The following ANK3 variants were observed in gnomAD, a reference collection of about 807,000 sequenced individuals.
ANK3 encodes ankyrin 3.
Under a neutral mutation model 370.9 loss-of-function variants are expected in ANK3, and 57 were observed. The observed-to-expected ratio is 0.15, with a 90% confidence interval of 0.12 to 0.19. ANK3 has a LOEUF of 0.19. Ranked by LOEUF, ANK3 falls within the 10% of genes least tolerant of loss-of-function variation. The probability of loss-of-function intolerance (pLI) is 1.00; values close to 1 mark genes in which losing one functional copy is unlikely to be tolerated. For synonymous variants in ANK3, 1,929 were observed against 1,946.3 expected, an observed-to-expected ratio of 0.99 and a Z score of 0.23; for missense variants, 4,439 against 5,302.1, an observed-to-expected ratio of 0.84 and a Z score of 5.06.
intron 1 of ANK3, among the ~76,000 whole-genome samples, chr10:60,330,887 C>T (rs922371366): frequency 5.9e-5 from 9 of 152,122 alleles, no homozygotes; most frequent in African/African-American, 2.2e-4. Context: ...CAATGTTAGA[C>T]TGGATGAAGA....
At chr10:60,351,068 G>A (rs2056765647) in intron 1 of ANK3, among the ~76,000 whole-genome samples, 1 of 151,958 alleles carries the variant, frequency 6.6e-6, no homozygotes, top group African/African-American at 2.4e-5. Context: ...TTTAAACAAT[G>A]ACAAAGGCCA....
chr10:60,395,469 C>T (rs1263498680), intron 2 of ANK3, among the ~76,000 whole-genome samples: 2 of 152,172 alleles, frequency 1.3e-5, no homozygotes, highest in Non-Finnish European at 2.9e-5. Context: ...AAAAAGAGAG[C>T]CCGATCTGTC....
chr10:60,091,611 G>C (rs1156815485), intron 28 of ANK3, among the ~76,000 whole-genome samples: 2 of 152,180 alleles, frequency 1.3e-5, no homozygotes, highest in East Asian at 1.9e-4. Flanking sequence ...GGGAGGATAG[G>C]AGGGAGCCAG....
chr10:60,244,555 A>G (rs2097524680), intron 7 of ANK3, among the ~76,000 whole-genome samples: 1 of 152,228 alleles, frequency 6.6e-6, no homozygotes, highest in Non-Finnish European at 1.5e-5. Context: ...AAGTGGCATA[A>G]CAAATTGAAG....
chr10:60,183,666 C>G (rs1007309101), intron 17 of ANK3, among the ~76,000 whole-genome samples: 30 of 152,110 alleles, frequency 2.0e-4, no homozygotes, highest in African/African-American at 7.2e-4. Context: ...TGAGACCAGC[C>G]TGACCTACAT....
chr10:60,538,749 T>C (rs1034078866), intron 2 of ANK3, among the ~76,000 whole-genome samples: 9 of 151,864 alleles, frequency 5.9e-5, no homozygotes, highest in Non-Finnish European at 1.0e-4. Context: ...TTCTCCCATA[T>C]AGAAAATAGT....
At chr10:60,694,190 G>A (rs892267121) in intron 1 of ANK3, among the ~76,000 whole-genome samples, 1 of 152,180 alleles carries the variant, frequency 6.6e-6, no homozygotes, top group African/African-American at 2.4e-5. Context: ...GAGAAGGGAA[G>A]TTTAGAGAAA....
At chr10:60,509,263 C>G (rs1008886751) in intron 2 of ANK3, among the ~76,000 whole-genome samples, 1 of 151,918 alleles carries the variant, frequency 6.6e-6, no homozygotes, top group African/African-American at 2.4e-5. Flanking sequence ...AAAAAAAAGT[C>G]AACATAATCT....
chr10:60,638,579 T>C (rs548175715), intron 1 of ANK3, among the ~76,000 whole-genome samples: 52 of 151,680 alleles, frequency 3.4e-4, no homozygotes, highest in African/African-American at 1.2e-3. Flanking sequence ...ATGAGAGAGA[T>C]GATGGAATTA....
intron 2 of ANK3, among the ~76,000 whole-genome samples, chr10:60,420,217 G>A (rs2063749690): frequency 6.6e-6 from 1 of 151,920 alleles, no homozygotes; most frequent in African/African-American, 2.4e-5. Context: ...ACCACACAGA[G>A]GCATATTTTA....
At chr10:60,319,132 T>C (rs1237829774) in intron 1 of ANK3, among the ~76,000 whole-genome samples, 1 of 152,210 alleles carries the variant, frequency 6.6e-6, no homozygotes, top group Non-Finnish European at 1.5e-5. Context: ...ATTGCTGGAC[T>C]GTAAATTCTT....
Position 60,084,635 on chromosome 10 carries a change from A to T in ANK3, c.4041T>A (p.Asn1347Lys). ...CTTTGCTTCTTGCGACTTCCTCAAA[A>T]TTCTCTTGTTGCTCTAAAGTTTTGT... ...KVDKTLEQQENFEEVARSKDI... is the reference protein window; with the variant it reads ...KVDKTLEQQEKFEEVARSKDI... The change falls in exon 32 of 44, where the codon AAT becomes AAA. Residue 1347 changes from asparagine to lysine, a missense_variant. Physicochemically the swap from Asn to Lys is moderately conservative, Grantham distance 94. Coordinates refer to ENST00000280772, the MANE Select transcript of ANK3 (RefSeq NM_020987.5). 6.2e-7 allele frequency: 1 copy of T among 1,613,936 alleles called. No homozygotes were observed. Among genetic ancestry groups the T allele is most frequent in the Non-Finnish European group, 8.5e-7 (1 of 1,179,960 alleles).
intron 1 of ANK3, among the ~76,000 whole-genome samples, chr10:60,283,184 A>G (rs187358329): frequency 1.3e-5 from 2 of 152,260 alleles, no homozygotes; most frequent in East Asian, 3.9e-4. Flanking sequence ...CCATTTTCCC[A>G]CCAATTTTGC....
chr10:60,496,076 T>C (rs983134907), intron 2 of ANK3, among the ~76,000 whole-genome samples: 19 of 152,214 alleles, frequency 1.2e-4, no homozygotes, highest in African/African-American at 3.9e-4. Context: ...TGGTATATGA[T>C]GGAGCTCAAT....
intron 2 of ANK3, among the ~76,000 whole-genome samples, chr10:60,569,277 T>A (rs1235847410): frequency 6.6e-6 from 1 of 152,190 alleles, no homozygotes. Context: ...GGTGTTATCA[T>A]TTTAAAAACT....
intron 2 of ANK3, among the ~76,000 whole-genome samples, chr10:60,468,479 T>C (rs1163620003): frequency 6.6e-6 from 1 of 152,130 alleles, no homozygotes; most frequent in Non-Finnish European, 1.5e-5. Flanking sequence ...GGGTGTCTGA[T>C]ATTCTACAAA....
intron 1 of ANK3, among the ~76,000 whole-genome samples, chr10:60,386,366 T>C (rs182406318): frequency 6.6e-6 from 1 of 152,166 alleles, no homozygotes; most frequent in African/African-American, 2.4e-5. Flanking sequence ...ACTTTTTTTT[T>C]TCAAGCCAGA....
At chr10:60,347,053 T>TATA (rs2055713544) in intron 1 of ANK3, among the ~76,000 whole-genome samples, 1 of 59,782 alleles carries the variant, frequency 1.7e-5, no homozygotes, top group African/African-American at 5.7e-5. Context: ...AAGAAATATA[T>TATA]GATATATATA....
intron 1 of ANK3, among the ~76,000 whole-genome samples, chr10:60,689,479 C>T (rs1326682866): frequency 2.0e-5 from 3 of 152,006 alleles, no homozygotes; most frequent in Non-Finnish European, 4.4e-5. Flanking sequence ...TGGCTGGGTG[C>T]GGTGGCTCAG....
Sources: gnomAD v4.1 joint callset for allele counts (sites outside exome capture counted in the v4.1 genomes callset) on GRCh38, gnomAD v4.1.1 for gene constraint, MANE v1.5 for transcripts, NCBI Gene and HGNC (gene_info 2026-07-23, HGNC 2026-07-21) for gene names.